Variants in PTBP3 observed in about 807,000 individuals in gnomAD.
PTBP3 encodes the protein polypyrimidine tract-binding protein 3.
A neutral mutation model predicts 58.7 loss-of-function variants in PTBP3; 20 were observed. The observed-to-expected ratio is 0.34, with a 90% CI of 0.24 to 0.50. The LOEUF is 0.50. PTBP3 is among the 20% of genes least tolerant of loss of function. The pLI is 0.98. For missense variants in PTBP3, 509 were observed against 637.2 expected (o/e 0.80, Z 2.17); for synonymous variants, 185 against 219.8 (o/e 0.84, Z 1.40).
intron 1 of PTBP3, 38 bp from the exon 2 acceptor site, chr9:112,297,954 T>C (rs753877155): frequency 6.9e-7 from 1 of 1,458,126 alleles, no homozygotes; most frequent in South Asian, 1.2e-5. Flanking sequence ...ATAAACCAAG[T>C]TTTAGATAAT....
At chr9:112,277,383 A>G (rs949690543) in intron 2 of PTBP3, among the ~76,000 whole-genome samples, 5 of 152,140 alleles carry the variant, frequency 3.3e-5, no homozygotes, top group Admixed American at 6.5e-5. Flanking sequence ...CTCCCTTATC[A>G]ATCACCAAGA....
the PTBP3 span, among the ~76,000 whole-genome samples, chr9:112,355,992 CTCTT>C: frequency 6.7e-6 from 1 of 149,274 alleles, no homozygotes; most frequent in East Asian, 2.0e-4. Context: ...TTCTTTCTTT[CTCTT>C]TCTTTTCTTT....
In PTBP3 at chr9:112,222,776, G is replaced by C. The variant is rs750519553; in HGVS notation, c.*1075C>G. On this transcript the variant is annotated 3_prime_UTR_variant, in exon 14 of 14. Transcript: ENST00000374257. ...TATTTAGATTAAACTCTAACCTATT[G>C]TATCTTAAGCACATAATAAGGCACA... The C allele has an allele frequency of 1.4e-5, 13 of 944,548 alleles. No homozygotes were observed. The highest frequency in any genetic ancestry group is 1.5e-5 in the Non-Finnish European group (12 of 792,558). 58.5% of individuals were successfully genotyped at this position (944,548 alleles called of 1,614,324 possible).
At chr9:112,340,263 G>A in the PTBP3 span, among the ~76,000 whole-genome samples, 1 of 152,186 alleles carries the variant, frequency 6.6e-6, no homozygotes, top group African/African-American at 2.4e-5. Flanking sequence ...TTCTGAAACT[G>A]TTTATTGTAT....
chr9:112,284,206 A>G (rs971031381), intron 2 of PTBP3, among the ~76,000 whole-genome samples: 4 of 152,186 alleles, frequency 2.6e-5, no homozygotes, highest in African/African-American at 9.6e-5. Context: ...TGGTAGATCC[A>G]TTGACAGCTT....
At chr9:112,284,695 C>CA (rs1326210074) in intron 2 of PTBP3, among the ~76,000 whole-genome samples, 1 of 151,994 alleles carries the variant, frequency 6.6e-6, no homozygotes, top group Non-Finnish European at 1.5e-5. Flanking sequence ...GAATCCGTCT[C>CA]AAAAAACAAA....
chr9:112,316,469 C>G (rs531553873), intron 1 of PTBP3, among the ~76,000 whole-genome samples: 8 of 152,300 alleles, frequency 5.3e-5, no homozygotes, highest in Admixed American at 2.6e-4. Flanking sequence ...AACAACCACA[C>G]AAGTGAGCTC....
At chr9:112,247,967 C>A (rs1274593301) in intron 7 of PTBP3, among the ~76,000 whole-genome samples, 1 of 152,072 alleles carries the variant, frequency 6.6e-6, no homozygotes, top group Non-Finnish European at 1.5e-5. Flanking sequence ...CATAAATACT[C>A]AGATGATCTA....
At chr9:112,325,725 C>G (rs1830129755) in intron 1 of PTBP3, among the ~76,000 whole-genome samples, 1 of 152,012 alleles carries the variant, frequency 6.6e-6, no homozygotes, top group African/African-American at 2.4e-5. Flanking sequence ...ATATGAGGTT[C>G]AAAAACAGGT....
chr9:112,253,162 TAGA>T (rs895000010), intron 5 of PTBP3, among the ~76,000 whole-genome samples: 2 of 152,220 alleles, frequency 1.3e-5, no homozygotes, highest in Non-Finnish European at 2.9e-5. Context: ...CTGTAGCCAC[TAGA>T]AGATGTTCAA....
chr9:112,252,536 ATCATACACTTT>A, intron 6 of PTBP3, 131 bp downstream of exon 6: 1 of 646,364 alleles, frequency 1.5e-6, no homozygotes, highest in Non-Finnish European at 2.7e-6. Flanking sequence ...AAAACATGGA[ATCATACACTTT>A]AAAACGACTA....
chr9:112,345,765 G>T, the PTBP3 span, among the ~76,000 whole-genome samples: 1 of 152,080 alleles, frequency 6.6e-6, no homozygotes, highest in Admixed American at 6.6e-5. Context: ...ATAATGTGGG[G>T]ACTAGCTCTA....
the PTBP3 span, among the ~76,000 whole-genome samples, chr9:112,359,768 C>T: frequency 8.6e-5 from 13 of 151,968 alleles, 1 homozygote; most frequent in African/African-American, 3.1e-4. Context: ...TGCCGTGAGC[C>T]GAGATCGTGC....
At chr9:112,289,295 A>T (rs1828274071) in intron 2 of PTBP3, among the ~76,000 whole-genome samples, 2 of 152,186 alleles carry the variant, frequency 1.3e-5, no homozygotes, top group African/African-American at 4.8e-5. Context: ...AATTTGTTGA[A>T]CGTGATGAAA....
chr9:112,356,358 G>A, the PTBP3 span, among the ~76,000 whole-genome samples: 1 of 152,116 alleles, frequency 6.6e-6, no homozygotes, highest in Non-Finnish European at 1.5e-5. Context: ...ATTTGGTCAT[G>A]TGGCCATCCC....
chr9:112,224,464 T>C (rs1381782752), intron 12 of PTBP3, among the ~76,000 whole-genome samples: 2 of 152,216 alleles, frequency 1.3e-5, no homozygotes, highest in African/African-American at 4.8e-5. Flanking sequence ...TCTATATTCT[T>C]TTTTCTTTTA....
At chr9:112,339,997 C>T in the PTBP3 span, among the ~76,000 whole-genome samples, 2 of 152,066 alleles carry the variant, frequency 1.3e-5, no homozygotes, top group Admixed American at 6.6e-5. Context: ...CAGGGTATCG[C>T]TCTGTCACCC....
At chr9:112,301,031 A>C (rs1406029904) in intron 1 of PTBP3, among the ~76,000 whole-genome samples, 1 of 152,122 alleles carries the variant, frequency 6.6e-6, no homozygotes. Context: ...TCAAATATAA[A>C]AACTTTTGTG....
chr9:112,362,938 T>C, the PTBP3 span: 1 of 264,994 alleles, frequency 3.8e-6, no homozygotes, highest in Non-Finnish European at 7.5e-6. Flanking sequence ...CTTCTGGAAG[T>C]TTCTGGTACG....
Sources: allele counts gnomAD v4.1 joint callset (sites outside exome capture counted in the v4.1 genomes callset), GRCh38; gene constraint gnomAD v4.1.1; transcripts MANE v1.5; gene names NCBI Gene and HGNC (gene_info 2026-07-23, HGNC 2026-07-21).